SETD1B: variants seen among roughly 807,000 people sequenced by gnomAD.
SETD1B encodes the protein histone-lysine N-methyltransferase SETD1B.
A neutral mutation model predicts 148.0 loss-of-function variants in SETD1B; 7 were observed. That is an observed-to-expected ratio of 0.05 (90% CI 0.03 to 0.09). The LOEUF (loss-of-function observed/expected upper bound fraction) is 0.09. SETD1B is among the 10% of genes least tolerant of loss of function. The probability of loss-of-function intolerance (pLI) is 1.00; values close to 1 mark genes in which losing one functional copy is unlikely to be tolerated. For synonymous variants in SETD1B, 1,361 were observed against 1,186.5 expected (o/e 1.15, Z -3.02); for missense variants, 2,155 against 2,729.9 (o/e 0.79, Z 4.69).
At chr12:121,828,511 G>T (rs1876949098) in intron 16 of SETD1B, among the ~76,000 whole-genome samples, 1 of 152,242 alleles carries the variant, frequency 6.6e-6, no homozygotes, top group South Asian at 2.1e-4. Flanking sequence ...CTGGAAATGT[G>T]CCCAGTGCAT....
the SETD1B span, chr12:121,797,698 A>G: frequency 2.3e-6 from 1 of 433,904 alleles, no homozygotes; most frequent in African/African-American, 2.0e-5. Context: ...GGGAGTAAAG[A>G]CCCCACCCGG....
In SETD1B at chr12:121,822,936, G is replaced by A. The variant is rs539708994; in HGVS notation, c.4357G>A (p.Gly1453Ser). Residue 1453 changes from glycine to serine, a missense_variant, in exon 12 of 17, where the codon GGC becomes AGC. Gly to Ser is a moderately conservative substitution (Grantham distance 56, BLOSUM62 0). Transcript: ENST00000604567. ...CCTGCCCGTCTGCCCACTCCCCACT[G>A]GCCGACGCGATGAACGCTCCGGGCC... ...LLLPVCPLPT[G>S]RRDERSGPLA... 2.6e-6 allele frequency: 4 copies of A among 1,535,074 alleles called. No homozygotes were observed. The East Asian group carries it at 9.8e-5, about 38-fold the overall frequency.
At position 121,804,686 on chromosome 12, in the gene SETD1B, C is replaced by T. The variant is rs910541500; in HGVS notation, c.-14-38C>T. ...TGTGTGTAGAAGCGGCCGCCGCCGC[C>T]GCCGCGGCGGAGACGACAACAACTT... On this transcript the variant is annotated intron_variant, in intron 1 of 16. Transcript: ENST00000604567. The surrounding 1 kb of genome is among the most constrained non-coding windows in gnomAD (Gnocchi z 4.6). 1.8e-4 allele frequency: 267 copies of T among 1,524,550 alleles called. 1 individual carries two copies. The highest frequency in any genetic ancestry group is 4.3e-5 in the Admixed American group (2 of 46,690). 94.4% of individuals were successfully genotyped at this position (1,524,550 alleles called of 1,614,324 possible).
chr12:121,825,455 A>G (rs1592991068), intron 13 of SETD1B, 89 bp downstream of exon 13: 1 of 1,032,432 alleles, frequency 9.7e-7, no homozygotes. Flanking sequence ...AGGCAGAGGG[A>G]GGAGTTGTGA....
chr12:121,795,075 T>G, the SETD1B span, among the ~76,000 whole-genome samples: 1 of 152,102 alleles, frequency 6.6e-6, no homozygotes, highest in Non-Finnish European at 1.5e-5. Flanking sequence ...GTTCTCACAG[T>G]GCAAGCAAGG....
At position 121,830,191 on chromosome 12, in the gene SETD1B, G is replaced by A; in HGVS notation, c.5853G>A (p.Lys1951=). The change falls in exon 17 of 17, where the codon AAG becomes AAA. Residue 1951 remains lysine, a synonymous_variant. Coordinates refer to ENST00000604567, the MANE Select transcript of SETD1B (RefSeq NM_001353345.2). The surrounding 1 kb of genome is among the most constrained non-coding windows in gnomAD (Gnocchi z 5.7). The part of the protein sequence containing the change: ...YDYKFPIEDV[K]IPCLCGSENC... Reference sequence around the variant, plus strand: ...ATAAGTTCCCCATCGAGGACGTCAAGATCCCCTGCCTCTGTGGCTCCGAGA... The same window carrying A: ...ATAAGTTCCCCATCGAGGACGTCAAAATCCCCTGCCTCTGTGGCTCCGAGA... 6.4e-7 allele frequency: 1 copy of A among 1,551,480 alleles called. No homozygotes were observed. Among genetic ancestry groups the A allele is most frequent in the Non-Finnish European group, 8.7e-7 (1 of 1,146,870 alleles).
At chr12:121,827,462 G>A (rs965834425) in intron 13 of SETD1B, 57 bp from the exon 14 acceptor site, 2 of 1,478,164 alleles carry the variant, frequency 1.4e-6, no homozygotes, top group Non-Finnish European at 1.8e-6. Flanking sequence ...AGAGCCTAGG[G>A]TGGGACCGCC....
chr12:121,805,315 G>T lies in SETD1B; in HGVS notation c.273+99G>T, dbSNP rs1875677215. ...GAGCCCAGCCGGATTCCCAGTTCCC[G>T]CCGTCCGGGGCCAGGGAAGTTTTGG... On this transcript the variant is annotated intron_variant, in intron 3 of 16. Coordinates refer to ENST00000604567, the MANE Select transcript of SETD1B (RefSeq NM_001353345.2). This position sits in a 1 kb window ranked among gnomAD's most constrained non-coding sequence, Gnocchi z 4.2. The T allele has an allele frequency of 4.0e-6, 4 of 999,246 alleles. No homozygotes were observed. The highest frequency in any genetic ancestry group is 5.9e-6 in the Non-Finnish European group (4 of 674,718). The allele number at this position is 999,246 out of a possible 1,614,324, so 61.9% of individuals were successfully genotyped here.
chr12:121,790,412 T>C, the SETD1B span, among the ~76,000 whole-genome samples: 1 of 152,270 alleles, frequency 6.6e-6, no homozygotes, highest in Non-Finnish European at 1.5e-5. Context: ...TCTCTCTACG[T>C]GGCCGCCTGG....
At chr12:121,821,519 G>A (rs1048534254) in intron 11 of SETD1B, among the ~76,000 whole-genome samples, 3 of 151,998 alleles carry the variant, frequency 2.0e-5, no homozygotes, top group African/African-American at 7.2e-5. Context: ...GGAAGCCGAG[G>A]TAGGCAGATC....
At position 121,822,691 on chromosome 12, in the gene SETD1B, C is replaced by T. The variant is rs1876622338; in HGVS notation, c.4112C>T (p.Ala1371Val). The T allele has an allele frequency of 2.6e-6, 4 of 1,539,386 alleles. No homozygotes were observed. Among genetic ancestry groups the T allele is most frequent in the Admixed American group, 2.0e-5 (1 of 50,154 alleles). ...PHTPGLCGSLAKSQSTETVPA... is the reference protein window; with the variant it reads ...PHTPGLCGSLVKSQSTETVPA... ...ACTCCAGGCCTCTGTGGCAGCCTGG[C>T]CAAGTCGCAGAGCACAGAGACGGTG... The change falls in exon 12 of 17, where the codon GCC (alanine) becomes GTC (valine). Residue 1371 changes from alanine to valine, a missense_variant. Transcript: ENST00000604567.
chr12:121,812,409 T>C (rs1251871393), intron 6 of SETD1B, among the ~76,000 whole-genome samples: 1 of 152,152 alleles, frequency 6.6e-6, no homozygotes, highest in Non-Finnish European at 1.5e-5. Context: ...ATCTGCCAAA[T>C]GGGCCTGTGA....
In SETD1B at chr12:121,809,928, A is replaced by C; in HGVS notation, c.983A>C (p.His328Pro). Residue 328 changes from histidine (H) to proline (P), a missense_variant, in exon 6 of 17, where the codon CAT (histidine) becomes CCT (proline). Coordinates refer to ENST00000604567, the MANE Select transcript of SETD1B (RefSeq NM_001353345.2). ...TDAYNRRHEH[H>P]YVHNSPAVTA... ...GCCTACAACCGCCGCCACGAACATC[A>C]TTATGTACACAATTCTCCCGCGGTC... 6.4e-7 allele frequency: 1 copy of C among 1,551,078 alleles called. No homozygotes were observed. The highest frequency in any genetic ancestry group is 8.7e-7 in the Non-Finnish European group (1 of 1,146,952).
chr12:121,797,486 A>G, the SETD1B span: 3 of 456,554 alleles, frequency 6.6e-6, no homozygotes, highest in South Asian at 4.6e-5. Flanking sequence ...GGACAAAGAA[A>G]GAAGAGGGAC....
At chr12:121,792,012 C>T in the SETD1B span, among the ~76,000 whole-genome samples, 1 of 152,256 alleles carries the variant, frequency 6.6e-6, no homozygotes, top group African/African-American at 2.4e-5. Flanking sequence ...TAGAGACAGG[C>T]GCTGTTTTGG....
upstream of SETD1B, chr12:121,799,722 G>GGT (rs1875214664): frequency 1.6e-5 from 2 of 123,004 alleles, no homozygotes; most frequent in African/African-American, 2.8e-5. Flanking sequence ...GCAGCTGGGG[G>GGT]GGGGGGGGTG....
the SETD1B span, among the ~76,000 whole-genome samples, chr12:121,798,091 T>C: frequency 6.6e-6 from 1 of 152,200 alleles, no homozygotes; most frequent in South Asian, 2.1e-4. Context: ...AAGCCCAAAA[T>C]AACCCAGACA....
At position 121,814,814 on chromosome 12, in the gene SETD1B, G is replaced by T. The variant is rs1876214068; in HGVS notation, c.2599G>T (p.Val867Leu). Residue 867 changes from valine to leucine, a missense_variant, in exon 7 of 17, where the codon GTG becomes TTG. Around this residue, in one of 11 missense-constraint regions of SETD1B, gnomAD observed 289 missense variants for 423.7 expected, o/e 0.68. Coordinates refer to ENST00000604567, the MANE Select transcript of SETD1B (RefSeq NM_001353345.2). ...HKATVDGVLL[V>L]VLKELKAIMK... ...AGCCACGGTGGATGGCGTCCTGCTG[G>T]TGGTCCTCAAAGAACTCAAGGCCAT... 2 of 1,551,644 alleles carry T rather than the reference G, an allele frequency of 1.3e-6. No individual in the cohort carries two copies. Among genetic ancestry groups the T allele is most frequent in the Non-Finnish European group, 1.7e-6 (2 of 1,147,006 alleles).
the SETD1B span, chr12:121,797,381 T>A: frequency 2.2e-6 from 1 of 445,450 alleles, no homozygotes; most frequent in Non-Finnish European, 4.5e-6. Flanking sequence ...GTTCGCTGGG[T>A]GACCGGTGGG....
Sources: gnomAD v4.1 joint callset for allele counts (sites outside exome capture counted in the v4.1 genomes callset) on GRCh38, gnomAD v4.1.1 for gene constraint, gnomAD v4.1.1 regional missense constraint, Gnocchi (gnomAD v3.1) non-coding constraint, MANE v1.5 for transcripts, NCBI Gene and HGNC (gene_info 2026-07-23, HGNC 2026-07-21) for gene names.